Variants in ZXDC observed in about 807,000 individuals in gnomAD.
The protein encoded by ZXDC is zinc finger protein ZXDC.
In ZXDC, 58 loss-of-function variants were observed where a neutral mutation model predicts 63.6. The ratio of observed to expected loss-of-function variants is 0.91; its 90% CI spans 0.74 to 1.13. ZXDC has a LOEUF of 1.13. Among genes scored for constraint, ZXDC ranks in the 50% most tolerant of loss-of-function variants. The probability of loss-of-function intolerance (pLI) is 0.00; values close to 1 mark genes in which losing one functional copy is unlikely to be tolerated. For synonymous variants in ZXDC, 561 were observed against 496.1 expected (o/e 1.13, Z -1.74); for missense variants, 1,133 against 1,148.9 (o/e 0.99, Z 0.20).
intron 7 of ZXDC, among the ~76,000 whole-genome samples, chr3:126,448,990 A>T (rs1933990752): frequency 6.6e-6 from 1 of 152,228 alleles, no homozygotes; most frequent in Non-Finnish European, 1.5e-5. Flanking sequence ...GCACGCAGGC[A>T]GGGCAGGTCC....
At chr3:126,465,911 T>C (rs1266082832) in intron 5 of ZXDC, among the ~76,000 whole-genome samples, 2 of 152,038 alleles carry the variant, frequency 1.3e-5, no homozygotes, top group African/African-American at 2.4e-5. Context: ...ATCACACCAC[T>C]GCACTCCAGT....
chr3:126,461,379 G>T (rs143636394), intron 6 of ZXDC, 156 bp downstream of exon 6: 1 of 1,417,924 alleles, frequency 7.1e-7, no homozygotes, highest in Non-Finnish European at 9.2e-7. Context: ...ATTTGTCAAG[G>T]TCATAAGAAC....
chr3:126,442,119 A>G, intron 7 of ZXDC, 173 bp from the exon 8 acceptor site: 1 of 653,442 alleles, frequency 1.5e-6, no homozygotes, highest in Non-Finnish European at 2.2e-6. Flanking sequence ...GTTGAAACAA[A>G]CAACCATACG....
At chr3:126,470,069 A>G (rs55708952) in intron 4 of ZXDC, among the ~76,000 whole-genome samples, 9,033 of 152,212 alleles carry the variant, frequency 0.059, 327 homozygotes, top group African/African-American at 0.076. Flanking sequence ...GCAGAACTAG[A>G]GTAGGGCCAG....
chr3:126,440,763 A>G (rs1281015427), intron 8 of ZXDC: 11 of 986,106 alleles, frequency 1.1e-5, no homozygotes, highest in Non-Finnish European at 9.6e-6. Flanking sequence ...CAACCAGCAC[A>G]GGGCCACCCC....
chr3:126,450,570 A>G (rs1934061693), intron 7 of ZXDC: 1 of 456,412 alleles, frequency 2.2e-6, no homozygotes, highest in African/African-American at 2.0e-5. Context: ...AGAACGAGGA[A>G]TAAATGGGGG....
chr3:126,451,780 G>A (rs1453288547), intron 7 of ZXDC: 23 of 985,242 alleles, frequency 2.3e-5, no homozygotes, highest in Non-Finnish European at 2.5e-5. Context: ...CTGTGCGGAC[G>A]TGTCTCTGTG....
chr3:126,469,788 A>C (rs912313806), intron 4 of ZXDC, among the ~76,000 whole-genome samples: 2 of 152,040 alleles, frequency 1.3e-5, no homozygotes, highest in African/African-American at 2.4e-5. Context: ...GCAGCACCCT[A>C]CATGTTACCT....
intron 4 of ZXDC, among the ~76,000 whole-genome samples, chr3:126,468,137 C>A (rs1023312107): frequency 4.6e-5 from 7 of 151,996 alleles, no homozygotes; most frequent in African/African-American, 1.7e-4. Flanking sequence ...ACAGACCTGT[C>A]TGCAAAGCTG....
chr3:126,438,656 C>T (rs1933555621), intron 9 of ZXDC, among the ~76,000 whole-genome samples, 195 bp from the exon 10 acceptor site: 1 of 152,210 alleles, frequency 6.6e-6, no homozygotes, highest in Non-Finnish European at 1.5e-5. Context: ...GTAAATTTTT[C>T]AAGATTGTTC....
chr3:126,461,795 C>T lies in ZXDC; in HGVS notation c.1867G>A (p.Asp623Asn), dbSNP rs759219994. The T allele has an allele frequency of 6.2e-6, 10 of 1,613,938 alleles. No individual in the cohort carries two copies. Among genetic ancestry groups the T allele is most frequent in the South Asian group, 3.3e-5 (3 of 91,034 alleles). ...VALPMKNLSDDPLALTSNSNL... is the reference protein window; with the variant it reads ...VALPMKNLSDNPLALTSNSNL... ...CTATTGGAGGTCAAAGCCAGTGGGT[C>T]GTCACTCAAGTTCTTCATGGGCAGA... Residue 623 changes from aspartate (D) to asparagine (N), a missense_variant, in exon 6 of 10, where the codon GAC becomes AAC. Transcript: ENST00000389709.
intron 4 of ZXDC, among the ~76,000 whole-genome samples, chr3:126,469,367 A>G (rs1164931312): frequency 6.6e-6 from 1 of 152,148 alleles, no homozygotes; most frequent in Non-Finnish European, 1.5e-5. Flanking sequence ...GCACAAGGGT[A>G]CCAAAAACAC....
intron 7 of ZXDC, among the ~76,000 whole-genome samples, chr3:126,450,065 AT>A (rs1317916702): frequency 1.3e-5 from 2 of 152,172 alleles, no homozygotes; most frequent in East Asian, 3.9e-4. Context: ...TGAGACAGTC[AT>A]CAAAACCAAA....
chr3:126,475,760 C>CGGGGCTCGCGCCGAGCGGCGCTG lies in ZXDC; in HGVS notation c.83_105dup (p.Ala36GlnfsTer96). On this transcript the variant is annotated frameshift_variant, in exon 1 of 10. Coordinates refer to ENST00000389709, the MANE Select transcript of ZXDC (RefSeq NM_025112.5). LOFTEE classifies it high-confidence loss of function. ...CGCACCAGTAGCAGGCGGCGGCGCG[C>CGGGGCTCGCGCCGAGCGGCGCTG]GGGGCTCGCGCCGAGCGGCGCTGGG... The CGGGGCTCGCGCCGAGCGGCGCTG allele has an allele frequency of 8.7e-7, 1 of 1,151,138 alleles. No individual in the cohort carries two copies. Among genetic ancestry groups the CGGGGCTCGCGCCGAGCGGCGCTG allele is most frequent in the Non-Finnish European group, 1.1e-6 (1 of 938,296 alleles). The allele number at this position is 1,151,138 out of a possible 1,614,324, so 71.3% of individuals were successfully genotyped here.
At chr3:126,440,433 C>A in intron 8 of ZXDC, 1 of 985,448 alleles carries the variant, frequency 1.0e-6, no homozygotes. Context: ...GTAACCAAGA[C>A]TACGCTAGCT....
chr3:126,442,068 A>G, intron 7 of ZXDC, 122 bp from the exon 8 acceptor site: 2 of 1,181,164 alleles, frequency 1.7e-6, no homozygotes, highest in Non-Finnish European at 1.1e-6. Flanking sequence ...CACAGCTAAG[A>G]GACGTAAAAT....
intron 7 of ZXDC, chr3:126,450,446 T>C: frequency 2.2e-6 from 1 of 456,654 alleles, no homozygotes. Context: ...GCCCACAGGG[T>C]ATGACAAAGC....
chr3:126,462,348 G>T (rs1047554286), intron 5 of ZXDC, 128 bp from the exon 6 acceptor site: 4 of 1,424,522 alleles, frequency 2.8e-6, no homozygotes, highest in Non-Finnish European at 3.7e-6. Context: ...ACACCCTGAA[G>T]CTTGGTTATC....
At chr3:126,456,164 T>C (rs1235060138) in intron 7 of ZXDC, among the ~76,000 whole-genome samples, 1 of 152,132 alleles carries the variant, frequency 6.6e-6, no homozygotes, top group African/African-American at 2.4e-5. Flanking sequence ...CTGCTGAGTG[T>C]TACATGAGAG....
Sources: gnomAD v4.1 joint callset for allele counts (sites outside exome capture counted in the v4.1 genomes callset) on GRCh38, gnomAD v4.1.1 for gene constraint, MANE v1.5 for transcripts, NCBI Gene and HGNC (gene_info 2026-07-23, HGNC 2026-07-21) for gene names.